The following CCNY variants were observed in gnomAD, a reference collection of about 807,000 sequenced individuals.
The protein encoded by CCNY is cyclin-Y.
In CCNY, 19 loss-of-function variants were observed where a neutral mutation model predicts 42.8. The observed-to-expected ratio is 0.44, with a 90% CI of 0.31 to 0.65. CCNY has a LOEUF of 0.65. Among genes scored for constraint, CCNY ranks in the 30% least tolerant of loss-of-function variants. The pLI, the probability that CCNY is intolerant of heterozygous loss-of-function variation, is 0.07. For synonymous variants in CCNY, 165 were observed against 162.7 expected (o/e 1.01, Z -0.11); for missense variants, 370 against 437.3 (o/e 0.85, Z 1.37).
chr10:35,265,089 G>C (rs992942556), intron 3 of CCNY, among the ~76,000 whole-genome samples: 7 of 152,060 alleles, frequency 4.6e-5, no homozygotes, highest in African/African-American at 1.7e-4. Flanking sequence ...AGTTCATTTT[G>C]CTCTGCACTC....
At chr10:35,353,964 G>C (rs1177388458) in intron 1 of CCNY, among the ~76,000 whole-genome samples, 1 of 152,160 alleles carries the variant, frequency 6.6e-6, no homozygotes, top group African/African-American at 2.4e-5. Context: ...GAGCTCTCAG[G>C]TGGGGCTGTA....
intron 2 of CCNY, 147 bp from the exon 3 acceptor site, chr10:35,501,354 C>T: frequency 3.0e-6 from 2 of 668,902 alleles, no homozygotes; most frequent in Admixed American, 2.2e-5. Flanking sequence ...TGTGCAGGTC[C>T]TGTATTCTTA....
chr10:35,555,503 T>C (rs1215006163), intron 8 of CCNY, among the ~76,000 whole-genome samples: 5 of 152,192 alleles, frequency 3.3e-5, no homozygotes, highest in Admixed American at 3.3e-4. Context: ...TATCCTATAT[T>C]GAGTACTTCC....
intron 8 of CCNY, among the ~76,000 whole-genome samples, chr10:35,565,612 C>G (rs1377995578): frequency 6.6e-6 from 1 of 152,244 alleles, no homozygotes; most frequent in East Asian, 1.9e-4. Context: ...AGCCAATGTC[C>G]TCTAGGTCTG....
intron 3 of CCNY, among the ~76,000 whole-genome samples, chr10:35,510,293 C>A (rs1023821524): frequency 3.9e-5 from 6 of 152,178 alleles, no homozygotes; most frequent in Non-Finnish European, 8.8e-5. Flanking sequence ...TGGCTCACAG[C>A]AGTCTTGACT....
At chr10:35,449,679 G>A (rs894889801) in intron 1 of CCNY, 8 of 863,036 alleles carry the variant, frequency 9.3e-6, no homozygotes, top group Non-Finnish European at 9.7e-6. Context: ...TAGGGGGGCC[G>A]GCCCCAGGGA....
At chr10:35,392,488 G>A (rs1205778888) in intron 1 of CCNY, among the ~76,000 whole-genome samples, 1 of 152,218 alleles carries the variant, frequency 6.6e-6, no homozygotes, top group Non-Finnish European at 1.5e-5. Context: ...GGATGAGGAG[G>A]TCCAGTCCTG....
At chr10:35,464,413 C>T (rs1839215905) in intron 1 of CCNY, among the ~76,000 whole-genome samples, 1 of 152,146 alleles carries the variant, frequency 6.6e-6, no homozygotes, top group African/African-American at 2.4e-5. Flanking sequence ...AGCGTGCGGT[C>T]ATAATGGTGT....
chr10:35,549,663 C>T (rs1841204377), intron 7 of CCNY, among the ~76,000 whole-genome samples: 1 of 145,782 alleles, frequency 6.9e-6, no homozygotes, highest in African/African-American at 2.6e-5. Context: ...TGGCCCATGA[C>T]CCTACACTGT....
At chr10:35,487,670 C>T (rs992483735) in intron 2 of CCNY, among the ~76,000 whole-genome samples, 1 of 152,040 alleles carries the variant, frequency 6.6e-6, no homozygotes, top group African/African-American at 2.4e-5. Context: ...TCCAACAAAA[C>T]TGGTTAAGTA....
intron 1 of CCNY, among the ~76,000 whole-genome samples, chr10:35,360,437 C>T (rs1330548801): frequency 2.0e-5 from 3 of 151,872 alleles, no homozygotes; most frequent in South Asian, 2.1e-4. Context: ...CAGGCATGCA[C>T]CACCATGCCC....
intron 3 of CCNY, among the ~76,000 whole-genome samples, chr10:35,323,777 C>T (rs573887247): frequency 6.6e-6 from 1 of 152,180 alleles, no homozygotes; most frequent in South Asian, 2.1e-4. Context: ...CCAGCATGTC[C>T]GGAGGCCAGG....
rs758926146 is a variant in CCNY at position 35,277,187 on chromosome 10, A to G, written c.-9+26561A>G. 5.3e-5 allele frequency among the ~76,000 whole-genome samples: 8 copies of G among 152,318 alleles called. No individual in the cohort carries two copies. In the South Asian group the frequency reaches 6.2e-4, roughly 12 times the overall value. On this transcript the variant is annotated intron_variant, in intron 3 of 11. Coordinates refer to the CCNY transcript ENST00000374706. ...TTGACCTGTTACTGGTCTTGTTGCC[A>G]GGAGAGGAAGAGAGGGTGATCCTGA...
intron 2 of CCNY, among the ~76,000 whole-genome samples, chr10:35,500,141 T>G (rs1840081950): frequency 6.6e-6 from 1 of 152,242 alleles, no homozygotes; most frequent in South Asian, 2.1e-4. Context: ...TCTGGCCTCA[T>G]GCATGGCCAG....
intron 3 of CCNY, among the ~76,000 whole-genome samples, chr10:35,502,283 T>C (rs1487902965): frequency 6.6e-6 from 1 of 152,168 alleles, no homozygotes; most frequent in Admixed American, 6.5e-5. Flanking sequence ...GATGGAATGA[T>C]GAAACAGGTG....
chr10:35,288,082 T>C (rs1027646374), intron 3 of CCNY, among the ~76,000 whole-genome samples: 1 of 152,200 alleles, frequency 6.6e-6, no homozygotes, highest in African/African-American at 2.4e-5. Context: ...ACCAGTAATG[T>C]ATAAAGGTTC....
At chr10:35,261,859 A>G (rs1446838286) in intron 3 of CCNY, among the ~76,000 whole-genome samples, 4 of 152,034 alleles carry the variant, frequency 2.6e-5, no homozygotes, top group Non-Finnish European at 5.9e-5. Flanking sequence ...CGTCTCTACT[A>G]AAAACACAAA....
chr10:35,264,965 G>GT (rs1291499794), intron 3 of CCNY, among the ~76,000 whole-genome samples: 1 of 152,086 alleles, frequency 6.6e-6, no homozygotes, highest in African/African-American at 2.4e-5. Flanking sequence ...TTTTGTTTTT[G>GT]TTTTTTCTTG....
intron 7 of CCNY, among the ~76,000 whole-genome samples, chr10:35,546,090 A>ACAGTCTT (rs1306205476): frequency 6.6e-6 from 1 of 152,204 alleles, no homozygotes; most frequent in Non-Finnish European, 1.5e-5. Context: ...AACTCACTTC[A>ACAGTCTT]CAGTCTTCAC....
Sources: allele counts gnomAD v4.1 joint callset (sites outside exome capture counted in the v4.1 genomes callset), GRCh38; gene constraint gnomAD v4.1.1; transcripts MANE v1.5; gene names NCBI Gene and HGNC (gene_info 2026-07-23, HGNC 2026-07-21).